The following LINGO2 variants were observed in gnomAD, a reference collection of about 807,000 sequenced individuals.
LINGO2 encodes leucine-rich repeat and immunoglobulin-like domain-containing nogo receptor-interacting protein 2.
LINGO2 carries 14 observed loss-of-function variants against 30.6 expected under a neutral mutation model. The observed-to-expected ratio is 0.46, with a 90% CI of 0.30 to 0.72. The LOEUF (loss-of-function observed/expected upper bound fraction) is 0.72. LINGO2 is among the 30% of genes least tolerant of loss of function. The probability of loss-of-function intolerance (pLI) is 0.07; values close to 1 mark genes in which losing one functional copy is unlikely to be tolerated. For synonymous variants in LINGO2, 317 were observed against 288.5 expected, an observed-to-expected ratio of 1.10 and a Z score of -1.00; for missense variants, 729 against 751.7, an observed-to-expected ratio of 0.97 and a Z score of 0.35.
chr9:28,651,671 A>AT (rs1828108569), intron 1 of LINGO2, among the ~76,000 whole-genome samples: 1 of 150,628 alleles, frequency 6.6e-6, no homozygotes, highest in Non-Finnish European at 1.5e-5. Context: ...AAAACTTGTT[A>AT]TTTAAAAAAA....
At chr9:28,512,636 T>TATAC (rs1443255782) in intron 1 of LINGO2, among the ~76,000 whole-genome samples, 5 of 6,178 alleles carry the variant, frequency 8.1e-4, no homozygotes, top group South Asian at 0.012. Flanking sequence ...TATATATATA[T>TATAC]ACACACATAC....
At chr9:28,055,517 A>G (rs549347946) in intron 4 of LINGO2, among the ~76,000 whole-genome samples, 2 of 152,294 alleles carry the variant, frequency 1.3e-5, no homozygotes, top group East Asian at 3.9e-4. Flanking sequence ...AATGTAAGGT[A>G]CTTCTGTGGA....
intron 5 of LINGO2, among the ~76,000 whole-genome samples, chr9:27,957,452 C>T (rs1173376516): frequency 1.3e-5 from 2 of 152,128 alleles, no homozygotes; most frequent in African/African-American, 4.8e-5. Context: ...TGTCACCAGG[C>T]CCAGCTATTT....
chr9:28,104,979 T>G (rs1269492143), intron 4 of LINGO2, among the ~76,000 whole-genome samples: 1 of 152,066 alleles, frequency 6.6e-6, no homozygotes, highest in Non-Finnish European at 1.5e-5. Flanking sequence ...CACGTTTCCA[T>G]TTAAACATTG....
chr9:28,038,557 G>A (rs1425910873), intron 4 of LINGO2, among the ~76,000 whole-genome samples: 1 of 152,068 alleles, frequency 6.6e-6, no homozygotes, highest in Non-Finnish European at 1.5e-5. Context: ...GCCGGGCGTA[G>A]TGGTGGGCGC....
intron 4 of LINGO2, among the ~76,000 whole-genome samples, chr9:28,150,336 C>T (rs752817763): frequency 2.7e-4 from 41 of 152,214 alleles, no homozygotes; most frequent in Admixed American, 6.5e-4. Flanking sequence ...CCCAAGTTTG[C>T]ATTTTCGACA....
the LINGO2 span, among the ~76,000 whole-genome samples, chr9:28,892,770 C>T: frequency 6.6e-6 from 1 of 151,912 alleles, no homozygotes; most frequent in African/African-American, 2.4e-5. Flanking sequence ...TATTATTACA[C>T]AATACTGTTC....
chr9:28,630,429 A>T (rs1004205506), intron 1 of LINGO2, among the ~76,000 whole-genome samples: 1 of 152,094 alleles, frequency 6.6e-6, no homozygotes, highest in Non-Finnish European at 1.5e-5. Context: ...GATCAGTTTA[A>T]GAACAATTTC....
At chr9:28,462,307 A>G (rs1825114109) in intron 2 of LINGO2, among the ~76,000 whole-genome samples, 1 of 150,774 alleles carries the variant, frequency 6.6e-6, no homozygotes, top group African/African-American at 2.4e-5. Flanking sequence ...AGATAATTTG[A>G]TTTTTAACAA....
At chr9:29,136,708 C>T in the LINGO2 span, among the ~76,000 whole-genome samples, 228 of 152,182 alleles carry the variant, frequency 1.5e-3, 5 homozygotes, top group South Asian at 0.044. Flanking sequence ...AGGCTGTTTG[C>T]CTTATCACCC....
At chr9:28,389,554 C>T (rs7020601) in intron 2 of LINGO2, among the ~76,000 whole-genome samples, 16,441 of 152,200 alleles carry the variant, frequency 0.11, 948 homozygotes, top group East Asian at 0.19. Flanking sequence ...CCCAAGATCT[C>T]TAGACGTCAG....
chr9:28,554,279 G>T (rs536050584), intron 1 of LINGO2, among the ~76,000 whole-genome samples: 1 of 150,760 alleles, frequency 6.6e-6, no homozygotes, highest in Non-Finnish European at 1.5e-5. Flanking sequence ...ACACACATAG[G>T]CTCAAAATAA....
At chr9:28,982,164 G>C in the LINGO2 span, among the ~76,000 whole-genome samples, 1 of 152,044 alleles carries the variant, frequency 6.6e-6, no homozygotes, top group African/African-American at 2.4e-5. Flanking sequence ...TAGTAAATTG[G>C]TGTCTGTGGG....
chr9:28,040,426 T>G (rs1453973201), intron 4 of LINGO2, among the ~76,000 whole-genome samples: 1 of 130,230 alleles, frequency 7.7e-6, no homozygotes, highest in Admixed American at 7.8e-5. Flanking sequence ...AGCTTGAAGT[T>G]TTTTTTTTTT....
chr9:28,939,542 T>C, the LINGO2 span, among the ~76,000 whole-genome samples: 1 of 152,302 alleles, frequency 6.6e-6, no homozygotes, highest in Admixed American at 6.5e-5. Context: ...CCAGATTAAA[T>C]GGCATCTCTT....
At chr9:28,021,558 T>C (rs966142336) in intron 4 of LINGO2, among the ~76,000 whole-genome samples, 10 of 152,140 alleles carry the variant, frequency 6.6e-5, no homozygotes, top group African/African-American at 1.4e-4. Context: ...ATTGTCTGCC[T>C]GCTTGATTTA....
chr9:28,508,265 A>G (rs1008756661), intron 1 of LINGO2, among the ~76,000 whole-genome samples: 1 of 152,124 alleles, frequency 6.6e-6, no homozygotes, highest in African/African-American at 2.4e-5. Flanking sequence ...TTACAGCTTT[A>G]ATATATCATT....
chr9:28,084,235 C>A (rs1183825881), intron 4 of LINGO2, among the ~76,000 whole-genome samples: 1 of 151,992 alleles, frequency 6.6e-6, no homozygotes, highest in Admixed American at 6.6e-5. Flanking sequence ...TTTGTTGGTA[C>A]TAAAATCATT....
At chr9:28,286,863 A>T (rs1823527790) in intron 4 of LINGO2, among the ~76,000 whole-genome samples, 2 of 152,174 alleles carry the variant, frequency 1.3e-5, no homozygotes, top group South Asian at 4.1e-4. Context: ...AATTGGTACT[A>T]GACTTAACAC....
Sources: gnomAD v4.1 joint callset for allele counts (sites outside exome capture counted in the v4.1 genomes callset) on GRCh38, gnomAD v4.1.1 for gene constraint, MANE v1.5 for transcripts, NCBI Gene and HGNC (gene_info 2026-07-23, HGNC 2026-07-21) for gene names.